DNAH6: variants seen among roughly 807,000 people sequenced by gnomAD.
DNAH6 encodes the protein dynein axonemal heavy chain 6, also known as axonemal beta dynein heavy chain 6.
In DNAH6, 340 loss-of-function variants were observed where a neutral mutation model predicts 491.4. The observed-to-expected ratio is 0.69, with a 90% CI of 0.63 to 0.76. DNAH6 has a LOEUF of 0.76. DNAH6 is among the 30% of genes least tolerant of loss of function. The pLI is 0.00. For missense variants in DNAH6, 4,443 were observed against 4,972.2 expected, an observed-to-expected ratio of 0.89 and a Z score of 3.20; for synonymous variants, 1,603 against 1,686.1, an observed-to-expected ratio of 0.95 and a Z score of 1.21.
chr2:84,638,445 A>G (rs1689074297), intron 31 of DNAH6, among the ~76,000 whole-genome samples: 1 of 152,168 alleles, frequency 6.6e-6, no homozygotes, highest in Admixed American at 6.5e-5. Flanking sequence ...ACCAAAATAT[A>G]AGGCATTTTT....
chr2:84,647,878 T>A (rs1299911516), intron 33 of DNAH6, among the ~76,000 whole-genome samples: 1 of 152,258 alleles, frequency 6.6e-6, no homozygotes, highest in Non-Finnish European at 1.5e-5. Context: ...ACTGAAAATG[T>A]CAAATCCTAG....
intron 31 of DNAH6, among the ~76,000 whole-genome samples, chr2:84,638,426 A>G (rs1040710107): frequency 1.3e-5 from 2 of 152,074 alleles, no homozygotes; most frequent in Non-Finnish European, 2.9e-5. Context: ...CATCTGTGTG[A>G]CCACCAAGAC....
chr2:84,583,351 T>C (rs368040211), intron 14 of DNAH6, among the ~76,000 whole-genome samples: 1 of 152,216 alleles, frequency 6.6e-6, no homozygotes, highest in South Asian at 2.1e-4. Flanking sequence ...TAGAAAACTT[T>C]AAATATTGGC....
intron 4 of DNAH6, among the ~76,000 whole-genome samples, chr2:84,541,708 CAGG>C (rs1678263463): frequency 6.6e-6 from 1 of 152,124 alleles, no homozygotes; most frequent in African/African-American, 2.4e-5. Flanking sequence ...GAGAAACAAT[CAGG>C]GGGAAAAAAC....
At chr2:84,721,490 T>C (rs537977191) in intron 59 of DNAH6, among the ~76,000 whole-genome samples, 1 of 152,320 alleles carries the variant, frequency 6.6e-6, no homozygotes, top group South Asian at 2.1e-4. Flanking sequence ...AGGTAGCCAC[T>C]AGCCATAGGT....
intron 63 of DNAH6, among the ~76,000 whole-genome samples, chr2:84,760,644 G>T (rs1674484606): frequency 6.6e-6 from 1 of 152,012 alleles, no homozygotes. Context: ...TTACTAAAAA[G>T]TAAAAAAATA....
upstream of DNAH6, among the ~76,000 whole-genome samples, chr2:84,514,131 A>T (rs574613293): frequency 3.4e-3 from 525 of 152,270 alleles, 1 homozygote; most frequent in African/African-American, 0.011. Flanking sequence ...CACAGCTTCC[A>T]TGTTATTTAT....
chr2:84,699,706 A>C lies in DNAH6; in HGVS notation c.7790A>C (p.Asn2597Thr). The C allele has an allele frequency of 6.4e-7, 1 of 1,551,694 alleles. No homozygotes were observed. Among genetic ancestry groups the C allele is most frequent in the Non-Finnish European group, 8.7e-7 (1 of 1,146,988 alleles). The change falls in exon 48 of 77, where the codon AAT becomes ACT. Residue 2597 changes from asparagine to threonine, a missense_variant. Physicochemically the swap from Asn to Thr is moderately conservative, Grantham distance 65. Transcript: ENST00000389394. The part of the protein sequence containing the change: ...SRCRMFPSLV[N>T]CCTIDWFVQW... ...TGCAGGATGTTTCCATCCCTTGTGA[A>C]TTGCTGCACCATTGACTGGTTTGTG...
At chr2:84,473,809 C>G in the DNAH6 span, among the ~76,000 whole-genome samples, 2 of 152,310 alleles carry the variant, frequency 1.3e-5, no homozygotes, top group South Asian at 4.1e-4. Context: ...CTATAATTAA[C>G]CCTGTCATAT....
chr2:84,689,387 C>G (rs1273939312), intron 45 of DNAH6, among the ~76,000 whole-genome samples: 1 of 152,156 alleles, frequency 6.6e-6, no homozygotes, highest in Non-Finnish European at 1.5e-5. Flanking sequence ...TATCATCTCT[C>G]AATTTTTGCG....
chr2:84,726,086 T>G (rs1698599003), intron 60 of DNAH6, among the ~76,000 whole-genome samples: 1 of 152,176 alleles, frequency 6.6e-6, no homozygotes. Context: ...CCTTTACCTT[T>G]GCGCTCCATC....
At chr2:84,468,832 A>G in the DNAH6 span, among the ~76,000 whole-genome samples, 2 of 152,324 alleles carry the variant, frequency 1.3e-5, no homozygotes, top group South Asian at 4.1e-4. Context: ...ATGAACCCTA[A>G]AATTTCTGTT....
At chr2:84,777,825 T>C (rs1676295924) in intron 64 of DNAH6, 2 of 1,175,110 alleles carry the variant, frequency 1.7e-6, no homozygotes, top group Non-Finnish European at 1.3e-6. Flanking sequence ...TAGGTCAAGA[T>C]ATCCACTGGA....
rs915323659 is a variant in DNAH6, at chr2:84,747,685, C to T, written c.10512+2436C>T. ...TGGGGACTCTGTGTGGGGGCTCTAACCCCACATTTTCCGTTGACACTACTC... is the reference window on the plus strand; with the variant it reads ...TGGGGACTCTGTGTGGGGGCTCTAATCCCACATTTTCCGTTGACACTACTC... On this transcript the variant is annotated intron_variant, in intron 63 of 76. Coordinates refer to ENST00000389394, the MANE Select transcript of DNAH6 (RefSeq NM_001370.2). 2.8e-4 allele frequency among the ~76,000 whole-genome samples: 42 copies of T among 152,196 alleles called. 1 individual carries two copies. Among genetic ancestry groups the T allele is most frequent in the African/African-American group, 9.2e-4 (38 of 41,444 alleles).
intron 72 of DNAH6, among the ~76,000 whole-genome samples, chr2:84,810,606 G>A (rs1019765903): frequency 1.3e-5 from 2 of 152,196 alleles, no homozygotes; most frequent in Non-Finnish European, 1.5e-5. Context: ...CCATGGCTTT[G>A]TTCCCAGCCT....
In DNAH6 at chr2:84,694,500, A is replaced by G. The variant is rs981773928; in HGVS notation, c.7524+20A>G. On this transcript the variant is annotated intron_variant, in intron 46 of 76. Transcript: ENST00000389394. ...ACCCAGGTGTGTGTTTAAATAGCCCATGGGTGAGAACAGGAAATGTATGGG... is the reference window on the plus strand; with the variant it reads ...ACCCAGGTGTGTGTTTAAATAGCCCGTGGGTGAGAACAGGAAATGTATGGG... 7 of 1,524,028 alleles carry G rather than the reference A, an allele frequency of 4.6e-6. No homozygotes were observed. Among genetic ancestry groups the G allele is most frequent in the Admixed American group, 2.0e-5 (1 of 50,920 alleles). The allele number at this position is 1,524,028 out of a possible 1,614,324, so 94.4% of individuals were successfully genotyped here. A position where few individuals can be genotyped will look rare whatever the true frequency, so the allele number is the denominator to read the frequency against.
chr2:84,705,737 G>A lies in DNAH6; in HGVS notation c.8717G>A (p.Arg2906His), dbSNP rs377609051. Residue 2906 changes from arginine (R) to histidine (H), a missense_variant, in exon 52 of 77, where the codon CGC (arginine) becomes CAC (histidine). Physicochemically the swap from Arg to His is conservative, Grantham distance 29. Around this residue, in one of 3 missense-constraint regions of DNAH6, gnomAD observed 1,463 missense variants for 1,656.6 expected, o/e 0.88. Coordinates refer to ENST00000389394, the MANE Select transcript of DNAH6 (RefSeq NM_001370.2). Reference sequence around the variant, plus strand: ...GTCGAACCAAAAAGACAAAAGCTCCGCGCCGCACAGGTACATTTTCTGTAT... The same window carrying A: ...GTCGAACCAAAAAGACAAAAGCTCCACGCCGCACAGGTACATTTTCTGTAT... ...KVVEPKRQKL[R>H]AAQAELDITM... 1.3e-4 allele frequency: 194 copies of A among 1,546,386 alleles called. No homozygotes were observed. The highest frequency in any genetic ancestry group is 3.4e-4 in the Middle Eastern group (2 of 5,938).
At chr2:84,792,500 G>A (rs1328568724) in intron 68 of DNAH6, among the ~76,000 whole-genome samples, 1 of 152,158 alleles carries the variant, frequency 6.6e-6, no homozygotes, top group Non-Finnish European at 1.5e-5. Flanking sequence ...AACTCCCCAG[G>A]TTGTATACAT....
chr2:84,745,010 A>T (rs1281739358), intron 62 of DNAH6, 70 bp from the exon 63 acceptor site: 41 of 1,070,188 alleles, frequency 3.8e-5, no homozygotes, highest in Non-Finnish European at 4.8e-5. Flanking sequence ...TTTTTAAATT[A>T]CCAAACATTA....
Sources: allele counts gnomAD v4.1 joint callset (sites outside exome capture counted in the v4.1 genomes callset), GRCh38; gene constraint gnomAD v4.1.1; regional missense constraint gnomAD v4.1.1; transcripts MANE v1.5; gene names NCBI Gene and HGNC (gene_info 2026-07-23, HGNC 2026-07-21).